DGKB: variants seen among roughly 807,000 people sequenced by gnomAD.
DGKB encodes diacylglycerol kinase beta, also known as 90 kDa diacylglycerol kinase.
In DGKB, 67 loss-of-function variants were observed where a neutral mutation model predicts 114.3. The ratio of observed to expected loss-of-function variants is 0.59; its 90% confidence interval spans 0.48 to 0.72. The LOEUF (loss-of-function observed/expected upper bound fraction) is 0.72. Ranked by LOEUF, DGKB falls within the 30% of genes least tolerant of loss-of-function variation. The pLI is 0.00. For missense variants in DGKB, 907 were observed against 975.2 expected, an observed-to-expected ratio of 0.93 and a Z score of 0.93; for synonymous variants, 398 against 323.1, an observed-to-expected ratio of 1.23 and a Z score of -2.49.
At chr7:14,734,867 A>C (rs1880550) in intron 5 of DGKB, among the ~76,000 whole-genome samples, 97,784 of 151,872 alleles carry the variant, frequency 0.64, 35,200 homozygotes, top group Non-Finnish European at 0.81. Context: ...AACACTGCTG[A>C]AGACATTTCT....
intron 13 of DGKB, among the ~76,000 whole-genome samples, chr7:14,672,478 T>G (rs1307404962): frequency 1.3e-5 from 2 of 152,058 alleles, no homozygotes; most frequent in Non-Finnish European, 2.9e-5. Context: ...AAACAGCTAA[T>G]AGCAGTGCAT....
At chr7:14,266,882 G>A (rs973056889) in intron 23 of DGKB, among the ~76,000 whole-genome samples, 36 of 152,070 alleles carry the variant, frequency 2.4e-4, no homozygotes, top group African/African-American at 5.1e-4. Context: ...GTTAAAATAC[G>A]TTAATACTTA....
intron 1 of DGKB, among the ~76,000 whole-genome samples, chr7:14,946,330 G>A (rs998061265): frequency 1.3e-5 from 2 of 151,634 alleles, no homozygotes; most frequent in African/African-American, 2.4e-5. Flanking sequence ...AAGGCTTGAA[G>A]AGAAAATGAA....
intron 20 of DGKB, among the ~76,000 whole-genome samples, chr7:14,555,078 G>C (rs1191694533): frequency 6.6e-6 from 1 of 152,070 alleles, no homozygotes; most frequent in African/African-American, 2.4e-5. Flanking sequence ...TCTAATATAA[G>C]TGTATTGCTT....
At chr7:14,810,992 G>A (rs1158393919) in intron 2 of DGKB, among the ~76,000 whole-genome samples, 2 of 152,042 alleles carry the variant, frequency 1.3e-5, no homozygotes, top group Non-Finnish European at 2.9e-5. Context: ...CACCTCTATA[G>A]CCATGTGTGG....
At chr7:14,152,063 T>A (rs1260298361) in intron 25 of DGKB, among the ~76,000 whole-genome samples, 1 of 152,042 alleles carries the variant, frequency 6.6e-6, no homozygotes, top group African/African-American at 2.4e-5. Flanking sequence ...ACAGGGCCTG[T>A]AATTATGACT....
At chr7:14,167,767 G>C (rs1475171812) in intron 25 of DGKB, among the ~76,000 whole-genome samples, 1 of 152,170 alleles carries the variant, frequency 6.6e-6, no homozygotes, top group Non-Finnish European at 1.5e-5. Flanking sequence ...ACTCACAGAA[G>C]ATAGAGCAGC....
chr7:14,725,467 A>G (rs1205092108), intron 5 of DGKB, among the ~76,000 whole-genome samples: 1 of 152,186 alleles, frequency 6.6e-6, no homozygotes, highest in African/African-American at 2.4e-5. Flanking sequence ...TATTTATCAC[A>G]TGAAAAGAAA....
chr7:14,374,794 T>C (rs1215523932), intron 21 of DGKB, among the ~76,000 whole-genome samples: 1 of 152,186 alleles, frequency 6.6e-6, no homozygotes, highest in Admixed American at 6.5e-5. Context: ...CATTGTAGGA[T>C]GTTTAGCAGT....
Position 14,490,799 on chromosome 7 carries a change from G to C in DGKB, c.1771-12574C>G, listed in dbSNP as rs146892565. ...GTGAGAACATAAAATTAGGGAGTCA[G>C]TGAATTCTGTAATGGCGATTTCTAC... On this transcript the variant is annotated intron_variant, in intron 20 of 25. Transcript: ENST00000402815. Among the ~76,000 whole-genome samples the C allele has an allele frequency of 1.3e-3, 203 of 152,236 alleles. 1 individual carries two copies. Among genetic ancestry groups the C allele is most frequent in the African/African-American group, 4.7e-3 (195 of 41,532 alleles).
chr7:14,864,993 C>CA (rs1851502580), intron 1 of DGKB, among the ~76,000 whole-genome samples: 1 of 152,026 alleles, frequency 6.6e-6, no homozygotes, highest in Non-Finnish European at 1.5e-5. Flanking sequence ...CTAGAAGAGA[C>CA]ATATTAAGAG....
At chr7:14,817,200 T>C (rs904221223) in intron 2 of DGKB, among the ~76,000 whole-genome samples, 1 of 152,192 alleles carries the variant, frequency 6.6e-6, no homozygotes, top group Admixed American at 6.5e-5. Context: ...TGGTTGCCCC[T>C]AACACATGCA....
intron 23 of DGKB, among the ~76,000 whole-genome samples, chr7:14,260,327 T>C (rs973014654): frequency 6.6e-6 from 1 of 152,218 alleles, no homozygotes; most frequent in Non-Finnish European, 1.5e-5. Context: ...ATTATGATTA[T>C]GGTATGAATT....
chr7:14,245,592 A>G (rs545791367), intron 23 of DGKB, among the ~76,000 whole-genome samples: 9 of 152,092 alleles, frequency 5.9e-5, no homozygotes, highest in Non-Finnish European at 1.0e-4. Flanking sequence ...ATTAAAGGAC[A>G]AGTTTACCAA....
At chr7:14,762,088 T>C (rs573852899) in intron 2 of DGKB, among the ~76,000 whole-genome samples, 107 of 152,266 alleles carry the variant, frequency 7.0e-4, no homozygotes, top group Admixed American at 2.1e-3. Flanking sequence ...CAGCAAGTAA[T>C]TTAATACTAT....
chr7:14,778,964 T>TGGCCAACATGGTGAAAC (rs1163864202), intron 2 of DGKB, among the ~76,000 whole-genome samples: 7 of 152,162 alleles, frequency 4.6e-5, no homozygotes, highest in African/African-American at 1.4e-4. Flanking sequence ...GAGATCAACC[T>TGGCCAACATGGTGAAAC]GGCCAACATG....
chr7:14,852,487 C>CAAAAAAAAAAAAACAAAAAAAA lies in DGKB; in HGVS notation c.-187-11038_-187-11037insTTTTTTTTGTTTTTTTTTTTTT. Reference sequence around the variant, plus strand: ...GAGGAATAGCTAAAATAGTGAAAGTCAAAAAAAAAACAGAAATCAAGCATA... The same window carrying CAAAAAAAAAAAAACAAAAAAAA: ...GAGGAATAGCTAAAATAGTGAAAGTCAAAAAAAAAAAAACAAAAAAAAAAAAAAAAAACAGAAATCAAGCATA... On this transcript the variant is annotated intron_variant, in intron 1 of 25. Transcript: ENST00000402815. Among the ~76,000 whole-genome samples, 12 of 63,612 alleles carry CAAAAAAAAAAAAACAAAAAAAA rather than the reference C, an allele frequency of 1.9e-4. 2 individuals carry two copies. The highest frequency in any genetic ancestry group is 1.2e-3 in the South Asian group (2 of 1,712). The allele number at this position is 63,612 out of a possible 152,430, so 41.7% of individuals were successfully genotyped here.
At chr7:14,390,180 T>C (rs753347896) in intron 21 of DGKB, among the ~76,000 whole-genome samples, 12 of 152,188 alleles carry the variant, frequency 7.9e-5, no homozygotes, top group Non-Finnish European at 1.2e-4. Flanking sequence ...AGAGAGTCTC[T>C]CATTATTCCT....
Position 14,841,356 on chromosome 7 carries a change from T to C in DGKB, c.-93A>G. The C allele has an allele frequency of 9.4e-7, 1 of 1,064,154 alleles. No individual in the cohort carries two copies. The highest frequency in any genetic ancestry group is 1.6e-5 in the South Asian group (1 of 64,384). 65.9% of individuals were successfully genotyped at this position (1,064,154 alleles called of 1,614,324 possible). ...TATGCTTCAAAGATTCCACATGGCA[T>C]GTTTCATGATAAAATACCTCAGGCT... On this transcript the variant is annotated 5_prime_UTR_variant, in exon 2 of 26. An upstream start codon of the reference 5' UTR is lost. Transcript: ENST00000402815.
Sources: allele counts gnomAD v4.1 joint callset (sites outside exome capture counted in the v4.1 genomes callset), GRCh38; gene constraint gnomAD v4.1.1; transcripts MANE v1.5; gene names NCBI Gene and HGNC (gene_info 2026-07-23, HGNC 2026-07-21).